Variants in SCGB2A1 observed in about 807,000 individuals in gnomAD.
SCGB2A1 encodes secretoglobin family 2A member 1.
In SCGB2A1, 6 loss-of-function variants were observed where a neutral mutation model predicts 9.2. The observed-to-expected ratio is 0.66, with a 90% CI of 0.36 to 1.29. SCGB2A1 has a LOEUF of 1.29. Among genes scored for constraint, SCGB2A1 ranks in the 50% most tolerant of loss-of-function variants. SCGB2A1 has a pLI of 0.03. For missense variants in SCGB2A1, 138 were observed against 116.9 expected, an observed-to-expected ratio of 1.18 and a Z score of -0.83; for synonymous variants, 37 against 41.0, an observed-to-expected ratio of 0.90 and a Z score of 0.37.
chr11:62,210,275 C>A, intron 1 of SCGB2A1, 138 bp from the exon 2 acceptor site: 1 of 1,048,986 alleles, frequency 9.5e-7, no homozygotes. Flanking sequence ...CTGCATACTG[C>A]ACCAAAATCT....
intron 2 of SCGB2A1, among the ~76,000 whole-genome samples, chr11:62,213,069 T>TACAC (rs1318422540): frequency 1.9e-5 from 1 of 51,344 alleles, no homozygotes; most frequent in African/African-American, 4.0e-5. Flanking sequence ...TACACATATA[T>TACAC]ACATATATAC....
In SCGB2A1 at chr11:62,210,357, A is replaced by G. The variant is rs190588897; in HGVS notation, c.56-56A>G. 3.8e-5 allele frequency: 57 copies of G among 1,517,944 alleles called. No homozygotes were observed. The African/African-American group carries it at 8.1e-4, about 22-fold the overall frequency. The allele number at this position is 1,517,944 out of a possible 1,614,324, so 94.0% of individuals were successfully genotyped here. ...CCAATTCATCTGTAGAATGAATCAC[A>G]CCTCTAGTAATGGCCCATGTTCTTG... On this transcript the variant is annotated intron_variant, in intron 1 of 2. Transcript: ENST00000244930.
At chr11:62,209,106 T>A (rs1332789844) in intron 1 of SCGB2A1, among the ~76,000 whole-genome samples, 2 of 152,158 alleles carry the variant, frequency 1.3e-5, no homozygotes, top group African/African-American at 2.4e-5. Context: ...AGAGATGGCA[T>A]CTACACCTAG....
intron 2 of SCGB2A1, 99 bp from the exon 3 acceptor site, chr11:62,213,627 C>T (rs1167203751): frequency 4.4e-6 from 5 of 1,142,746 alleles, no homozygotes; most frequent in Admixed American, 3.9e-5. Context: ...TGAGAGTTAG[C>T]TGTTTGTGGA....
rs113905161 is a variant in SCGB2A1, at chr11:62,210,172, T to C, written c.56-241T>C. Among the ~76,000 whole-genome samples, 8 of 152,306 alleles carry C rather than the reference T, an allele frequency of 5.3e-5. 1 individual carries two copies. Among genetic ancestry groups the C allele is most frequent in the African/African-American group, 1.7e-4 (7 of 41,562 alleles). On this transcript the variant is annotated intron_variant, in intron 1 of 2. Transcript: ENST00000244930. ...AACACCTCATTTCTCGAGGGTCCTC[T>C]TCACCAAGAATACACAGGGTTGGGC...
At chr11:62,210,384 GTCTTTTT>G (rs780112372) in intron 1 of SCGB2A1, 22 bp from the exon 2 acceptor site, 1 of 1,318,044 alleles carries the variant, frequency 7.6e-7, no homozygotes, top group Admixed American at 2.8e-5. Flanking sequence ...ATGTTCTTGT[GTCTTTTT>G]TTTTTTTTTT....
At chr11:62,210,843 C>T (rs1221012279) in intron 2 of SCGB2A1, among the ~76,000 whole-genome samples, 1 of 151,914 alleles carries the variant, frequency 6.6e-6, no homozygotes, top group East Asian at 1.9e-4. Flanking sequence ...CTGACCTCAC[C>T]AGTCCCTTCT....
chr11:62,210,386 C>CTTTTTT (rs201416395), intron 1 of SCGB2A1, 27 bp from the exon 2 acceptor site: 10 of 1,349,556 alleles, frequency 7.4e-6, no homozygotes, highest in South Asian at 1.4e-5. Context: ...GTTCTTGTGT[C>CTTTTTT]TTTTTTTTTT....
Position 62,213,744 on chromosome 11 carries a change from A to T in SCGB2A1, c.262A>T (p.Ile88Phe). 6.2e-7 allele frequency: 1 copy of T among 1,614,084 alleles called. No homozygotes were observed. The highest frequency in any genetic ancestry group is 8.5e-7 in the Non-Finnish European group (1 of 1,179,980). ...GLMMHTVYDSIWCNMKSN is the reference protein window; with the variant it reads ...GLMMHTVYDSFWCNMKSN ...TTTCCAGCATACAGTGTACGACAGC[A>T]TTTGGTGTAATATGAAGAGTAATTA... Residue 88 changes from isoleucine to phenylalanine, a missense_variant, in exon 3 of 3, where the codon ATT becomes TTT. Transcript: ENST00000244930.
intron 2 of SCGB2A1, among the ~76,000 whole-genome samples, chr11:62,212,855 C>G (rs1200583987): frequency 6.6e-6 from 1 of 151,632 alleles, no homozygotes; most frequent in Non-Finnish European, 1.5e-5. Flanking sequence ...CCCGCTTCAG[C>G]CTCCTGAGTA....
At chr11:62,210,676 A>G (rs1417478124) in intron 2 of SCGB2A1, 76 bp downstream of exon 2, 20 of 1,148,410 alleles carry the variant, frequency 1.7e-5, no homozygotes, top group Non-Finnish European at 2.4e-5. Context: ...TGGCACCAAG[A>G]ATGCCAAGCA....
intron 2 of SCGB2A1, 101 bp downstream of exon 2, chr11:62,210,701 T>C (rs1044146705): frequency 1.8e-4 from 147 of 832,128 alleles, no homozygotes; most frequent in Admixed American, 6.8e-4. Context: ...GTGAACAAAC[T>C]TTCTTTATAT....
chr11:62,210,276 A>G lies in SCGB2A1; in HGVS notation c.56-137A>G, dbSNP rs1944818030. The G allele has an allele frequency of 3.8e-6, 4 of 1,063,962 alleles. No homozygotes were observed. The East Asian group carries it at 1.1e-4, about 30-fold the overall frequency. The allele number at this position is 1,063,962 out of a possible 1,614,324, so 65.9% of individuals were successfully genotyped here. A position where few individuals can be genotyped will look rare whatever the true frequency, so the allele number is the denominator to read the frequency against. ...CAGAATTGAGAACTCTGCATACTGC[A>G]CCAAAATCTTTCTGAACCTCGGTCT... On this transcript the variant is annotated intron_variant, in intron 1 of 2. Transcript: ENST00000244930.
At position 62,213,731 on chromosome 11, in the gene SCGB2A1, A is replaced by G. The variant is rs1565121806; in HGVS notation, c.249A>G (p.Thr83=). The change falls in exon 3 of 3, where the codon ACA becomes ACG. Residue 83 remains threonine (T), a synonymous_variant. Coordinates refer to ENST00000244930, the MANE Select transcript of SCGB2A1 (RefSeq NM_002407.3). ...GACCTGCTTTTGTTTTCCAGCATAC[A>G]GTGTACGACAGCATTTGGTGTAATA... ...TLKNFGLMMH[T]VYDSIWCNMK... The G allele has an allele frequency of 6.2e-7, 1 of 1,612,762 alleles. No homozygotes were observed.
In SCGB2A1 at chr11:62,213,031, C is replaced by T. The variant is rs61893724; in HGVS notation, c.244-695C>T. Among the ~76,000 whole-genome samples, 43 of 70,954 alleles carry T rather than the reference C, an allele frequency of 6.1e-4. 1 individual carries two copies. In the East Asian group the frequency reaches 0.013, roughly 22 times the overall value. The allele number at this position is 70,954 out of a possible 152,430, so 46.5% of individuals were successfully genotyped here. A position where few individuals can be genotyped will look rare whatever the true frequency, so the allele number is the denominator to read the frequency against. ...ATATATGCACATATATACATATATACACACATATATACATATATACACATA... is the reference window on the plus strand; with the variant it reads ...ATATATGCACATATATACATATATATACACATATATACATATATACACATA... On this transcript the variant is annotated intron_variant, in intron 2 of 2. Transcript: ENST00000244930.
In SCGB2A1 at chr11:62,208,805, G is replaced by C; in HGVS notation, c.55+19G>C. ...TATGCAGGTGAGTTCTGGGCAGAGA[G>C]GGCTGCTTCTGGGCTAGGAATTGTC... On this transcript the variant is annotated intron_variant, in intron 1 of 2. Coordinates refer to ENST00000244930, the MANE Select transcript of SCGB2A1 (RefSeq NM_002407.3). The C allele has an allele frequency of 6.2e-7, 1 of 1,611,164 alleles. No homozygotes were observed. The highest frequency in any genetic ancestry group is 8.5e-7 in the Non-Finnish European group (1 of 1,178,610).
chr11:62,213,032 A>ATATATGTG (rs1565121462), intron 2 of SCGB2A1, among the ~76,000 whole-genome samples: 2 of 55,594 alleles, frequency 3.6e-5, no homozygotes, highest in African/African-American at 6.3e-5. Flanking sequence ...ACATATATAC[A>ATATATGTG]CACATATATA....
intron 2 of SCGB2A1, among the ~76,000 whole-genome samples, chr11:62,211,872 G>T (rs3850950): frequency 0.92 from 140,091 of 152,262 alleles, 65,573 homozygotes; most frequent in East Asian, 1. Context: ...GTTATAACAA[G>T]GAGTATTTCT....
intron 2 of SCGB2A1, 53 bp downstream of exon 2, chr11:62,210,653 C>G: frequency 7.3e-7 from 1 of 1,375,934 alleles, no homozygotes; most frequent in Non-Finnish European, 9.6e-7. Flanking sequence ...TCAGAACCAG[C>G]GGGCTCTAAA....
Sources: allele counts gnomAD v4.1 joint callset (sites outside exome capture counted in the v4.1 genomes callset), GRCh38; gene constraint gnomAD v4.1.1; transcripts MANE v1.5; gene names NCBI Gene and HGNC (gene_info 2026-07-23, HGNC 2026-07-21).